Variants in DNAJC10 observed in about 807,000 individuals in gnomAD.
DNAJC10 encodes the protein endoplasmic reticulum disulfide reductase DNAJC10.
Under a neutral mutation model 115.0 loss-of-function variants are expected in DNAJC10, and 101 were observed. That is an observed-to-expected ratio of 0.88 (90% CI 0.75 to 1.04). The LOEUF is 1.04. Among genes scored for constraint, DNAJC10 ranks in the 50% least tolerant of loss-of-function variants. DNAJC10 has a pLI of 0.00. For missense variants in DNAJC10, 981 were observed against 928.8 expected (o/e 1.06, Z -0.73); for synonymous variants, 307 against 301.5 (o/e 1.02, Z -0.19).
Position 182,778,080 on chromosome 2 carries a change from T to C in DNAJC10, c.*948T>C, listed in dbSNP as rs1357049091. The C allele has an allele frequency of 2.0e-5, 3 of 152,222 alleles. No homozygotes were observed. The highest frequency in any genetic ancestry group is 6.5e-5 in the Admixed American group (1 of 15,270). 9.4% of individuals were successfully genotyped at this position (152,222 alleles called of 1,614,324 possible). A position where few individuals can be genotyped will look rare whatever the true frequency, so the allele number is the denominator to read the frequency against. The stretch of plus-strand genomic sequence containing the variant: ...ACTGATAGTTGATTTTTGAGGCATC[T>C]AATATTTACATATTTGCCTTCTGAA... On this transcript the variant is annotated 3_prime_UTR_variant, in exon 24 of 24. Transcript: ENST00000264065.
intron 23 of DNAJC10, among the ~76,000 whole-genome samples, chr2:182,776,714 G>T (rs12474435): frequency 2.6e-5 from 4 of 152,072 alleles, no homozygotes; most frequent in Admixed American, 2.6e-4. Flanking sequence ...TATTTTCTTG[G>T]TTCCACTGAA....
At chr2:182,738,818 G>A (rs1559006206) in intron 11 of DNAJC10, among the ~76,000 whole-genome samples, 1 of 152,126 alleles carries the variant, frequency 6.6e-6, no homozygotes, top group Non-Finnish European at 1.5e-5. Flanking sequence ...GGGATTACAG[G>A]CGTGAGCCAC....
At chr2:182,765,083 C>T (rs554108186) in intron 22 of DNAJC10, among the ~76,000 whole-genome samples, 3 of 152,250 alleles carry the variant, frequency 2.0e-5, no homozygotes, top group Non-Finnish European at 4.4e-5. Flanking sequence ...AGATCAGGCA[C>T]TTGTGTAGCT....
At chr2:182,755,379 C>G (rs1241336857) in intron 17 of DNAJC10, among the ~76,000 whole-genome samples, 1 of 150,616 alleles carries the variant, frequency 6.6e-6, no homozygotes, top group East Asian at 1.9e-4. Context: ...TGTATTTTCA[C>G]CTTGTCACCC....
intron 14 of DNAJC10, among the ~76,000 whole-genome samples, chr2:182,747,878 G>A (rs1287925675): frequency 6.9e-4 from 105 of 151,378 alleles, no homozygotes; most frequent in Middle Eastern, 6.8e-3. Context: ...GTCATAGATA[G>A]CTCTTATTAT....
chr2:182,728,983 C>G lies in DNAJC10; in HGVS notation c.622C>G (p.Arg208Gly), dbSNP rs372451587. The G allele has an allele frequency of 6.2e-7, 1 of 1,613,860 alleles. No homozygotes were observed. Among genetic ancestry groups the G allele is most frequent in the East Asian group, 2.2e-5 (1 of 44,848 alleles). Residue 208 changes from arginine to glycine, a missense_variant, in exon 7 of 24, where the codon CGG becomes GGG. Physicochemically the swap from Arg to Gly is moderately radical, Grantham distance 125 (BLOSUM62 -2). Coordinates refer to ENST00000264065, the MANE Select transcript of DNAJC10 (RefSeq NM_018981.4). ...CAGCTATCCCAGCCTCTTCATTTTT[C>G]GGTCTGGAATGGTAAGGGATAAAGT... The part of the protein sequence containing the change: ...VNSYPSLFIF[R>G]SGMAPVKYHG...
At chr2:182,774,518 C>T (rs1694651853) in intron 22 of DNAJC10, among the ~76,000 whole-genome samples, 2 of 152,194 alleles carry the variant, frequency 1.3e-5, no homozygotes, top group Admixed American at 1.3e-4. Context: ...TTTGAGCATC[C>T]CTTTCCACTT....
intron 8 of DNAJC10, chr2:182,730,475 C>T (rs1693415217): frequency 7.1e-6 from 3 of 421,306 alleles, no homozygotes; most frequent in South Asian, 5.3e-5. Flanking sequence ...TCAGTGACTT[C>T]ATTAGTGAGG....
At chr2:182,725,615 T>C (rs1693263415) in intron 5 of DNAJC10, among the ~76,000 whole-genome samples, 1 of 152,152 alleles carries the variant, frequency 6.6e-6, no homozygotes, top group African/African-American at 2.4e-5. Flanking sequence ...CCTAATTCTT[T>C]TCAATTTTAT....
chr2:182,790,722 G>T lies in DNAJC10; in HGVS notation c.*13590G>T, dbSNP rs1695034113. ...GAAAATCGCTTGAACCCGGGAGGCAGAGGTTACAGTGAGCTGAGGTCACGT... is the reference window on the plus strand; with the variant it reads ...GAAAATCGCTTGAACCCGGGAGGCATAGGTTACAGTGAGCTGAGGTCACGT... On this transcript the variant is annotated 3_prime_UTR_variant, in exon 24 of 24. Transcript: ENST00000264065. 6.6e-6 allele frequency: 1 copy of T among 150,862 alleles called. No homozygotes were observed. Among genetic ancestry groups the T allele is most frequent in the Non-Finnish European group, 1.5e-5 (1 of 67,964 alleles). 9.3% of individuals were successfully genotyped at this position (150,862 alleles called of 1,614,324 possible). A position where few individuals can be genotyped will look rare whatever the true frequency, so the allele number is the denominator to read the frequency against.
At chr2:182,732,790 C>T (rs1693484993) in intron 10 of DNAJC10, 5 of 494,346 alleles carry the variant, frequency 1.0e-5, no homozygotes, top group Non-Finnish European at 1.4e-5. Context: ...ATAAGTTCCT[C>T]TTCAACTGAA....
Position 182,729,853 on chromosome 2 carries a change from A to C in DNAJC10, c.639A>C (p.Pro213=), listed in dbSNP as rs761835493. 6.3e-7 allele frequency: 1 copy of C among 1,588,304 alleles called. No homozygotes were observed. Among genetic ancestry groups the C allele is most frequent in the Admixed American group, 1.8e-5 (1 of 54,488 alleles). Reference sequence around the variant, plus strand: ...CTTCTTACAAAAACCAATAGGCCCCAGTGAAATATCATGGAGACAGATCAA... The same window carrying C: ...CTTCTTACAAAAACCAATAGGCCCCCGTGAAATATCATGGAGACAGATCAA... ...SLFIFRSGMA[P]VKYHGDRSKE... The change falls in exon 8 of 24, where the codon CCA becomes CCC. Residue 213 remains proline (P), a synonymous_variant. Transcript: ENST00000264065.
intron 2 of DNAJC10, among the ~76,000 whole-genome samples, chr2:182,717,320 G>A (rs1693019568): frequency 6.6e-6 from 1 of 152,020 alleles, no homozygotes; most frequent in South Asian, 2.1e-4. Context: ...AAATTACACT[G>A]GTAACTTACA....
rs773393648 is a variant in DNAJC10, at chr2:182,751,130, C to CTTTTT, written c.1307-507_1307-503dup. Among the ~76,000 whole-genome samples the CTTTTT allele has an allele frequency of 1.1e-3, 95 of 85,168 alleles. 7 individuals are homozygous for CTTTTT. The highest frequency in any genetic ancestry group is 0.014 in the Middle Eastern group (1 of 72). The allele number at this position is 85,168 out of a possible 152,430, so 55.9% of individuals were successfully genotyped here. ...AGGGAACATTTCAAAGAGATTTTGA[C>CTTTTT]TTTTTTTTTTTTTTTTTTTTTTTTT... On this transcript the variant is annotated intron_variant, in intron 14 of 23. Coordinates refer to ENST00000264065, the MANE Select transcript of DNAJC10 (RefSeq NM_018981.4).
chr2:182,751,862 A>C, intron 15 of DNAJC10, 77 bp downstream of exon 15: 1 of 1,540,880 alleles, frequency 6.5e-7, no homozygotes, highest in East Asian at 2.2e-5. Flanking sequence ...TTTCTAGATA[A>C]CTTTGAATCA....
In DNAJC10 at chr2:182,736,301, G is replaced by C; in HGVS notation, c.902G>C (p.Cys301Ser). The change falls in exon 11 of 24, where the codon TGT (cysteine) becomes TCT (serine). Residue 301 changes from cysteine to serine, a missense_variant. Transcript: ENST00000264065. ...GACTGTGCCACCCAGGATAACCTTTGTAAAAGCTTAGATATTACAACAAGT... is the reference window on the plus strand; with the variant it reads ...GACTGTGCCACCCAGGATAACCTTTCTAAAAGCTTAGATATTACAACAAGT... ...WMDCATQDNL[C>S]KSLDITTSTT... is the part of the protein sequence containing the mutation. 1 of 1,594,970 alleles carries C rather than the reference G, an allele frequency of 6.3e-7. No individual in the cohort carries two copies. The highest frequency in any genetic ancestry group is 8.5e-7 in the Non-Finnish European group (1 of 1,173,056).
chr2:182,723,361 A>G (rs971844896), intron 5 of DNAJC10, among the ~76,000 whole-genome samples: 1 of 152,126 alleles, frequency 6.6e-6, no homozygotes, highest in African/African-American at 2.4e-5. Flanking sequence ...TGGCATTTTA[A>G]TCTTATTTTC....
chr2:182,736,318 A>C lies in DNAJC10; in HGVS notation c.919A>C (p.Thr307Pro). 1 of 1,596,672 alleles carries C rather than the reference A, an allele frequency of 6.3e-7. No homozygotes were observed. Among genetic ancestry groups the C allele is most frequent in the Non-Finnish European group, 8.5e-7 (1 of 1,173,408 alleles). The change falls in exon 11 of 24, where the codon ACA becomes CCA. Residue 307 changes from threonine to proline, a missense_variant. Coordinates refer to ENST00000264065, the MANE Select transcript of DNAJC10 (RefSeq NM_018981.4). ...TAACCTTTGTAAAAGCTTAGATATT[A>C]CAACAAGTACTACTGCTTATTTTCC... is the stretch of plus-strand genomic sequence containing the variant. ...QDNLCKSLDI[T>P]TSTTAYFPPG... is the part of the protein sequence containing the mutation.
At chr2:182,758,303 G>A (rs1179284133) in intron 19 of DNAJC10, among the ~76,000 whole-genome samples, 3 of 152,126 alleles carry the variant, frequency 2.0e-5, no homozygotes, top group Admixed American at 6.6e-5. Flanking sequence ...ACCCAAGTCT[G>A]TCTCAGCACC....
Sources: gnomAD v4.1 joint callset for allele counts (sites outside exome capture counted in the v4.1 genomes callset) on GRCh38, gnomAD v4.1.1 for gene constraint, MANE v1.5 for transcripts, NCBI Gene and HGNC (gene_info 2026-07-23, HGNC 2026-07-21) for gene names.